The following FAM184B variants were observed in gnomAD, a reference collection of about 807,000 sequenced individuals.
The protein encoded by FAM184B is protein FAM184B.
In FAM184B, 111 loss-of-function variants were observed where a neutral mutation model predicts 135.9. The ratio of observed to expected loss-of-function variants is 0.82; its 90% CI spans 0.70 to 0.96. FAM184B has a LOEUF of 0.96. Among genes scored for constraint, FAM184B ranks in the 40% least tolerant of loss-of-function variants. The probability of loss-of-function intolerance (pLI) is 0.00; values close to 1 mark genes in which losing one functional copy is unlikely to be tolerated. For synonymous variants in FAM184B, 552 were observed against 524.8 expected (o/e 1.05, Z -0.71); for missense variants, 1,375 against 1,323.9 (o/e 1.04, Z -0.60).
intron 7 of FAM184B, among the ~76,000 whole-genome samples, chr4:17,681,651 T>G (rs1259351976): frequency 6.6e-6 from 1 of 151,988 alleles, no homozygotes; most frequent in Non-Finnish European, 1.5e-5. Flanking sequence ...TGGCACGGGG[T>G]GACTCTTGCC....
At chr4:17,647,611 G>A in intron 12 of FAM184B, 26 bp downstream of exon 12, 1 of 1,540,560 alleles carries the variant, frequency 6.5e-7, no homozygotes, top group African/African-American at 1.4e-5. Flanking sequence ...GAGGGGTATT[G>A]CTGGTGCAAG....
intron 1 of FAM184B, among the ~76,000 whole-genome samples, chr4:17,722,469 A>G (rs544574853): frequency 6.6e-6 from 1 of 152,328 alleles, no homozygotes; most frequent in East Asian, 1.9e-4. Context: ...CCAAAACGCT[A>G]ATTAAAATCT....
chr4:17,637,392 G>T (rs369929189), intron 14 of FAM184B, among the ~76,000 whole-genome samples: 3 of 152,218 alleles, frequency 2.0e-5, no homozygotes, highest in Admixed American at 2.0e-4. Flanking sequence ...AGGGCTGGGG[G>T]TGCAGATAAT....
chr4:17,662,492 C>A (rs1715941896), intron 8 of FAM184B, among the ~76,000 whole-genome samples: 1 of 152,132 alleles, frequency 6.6e-6, no homozygotes, highest in Non-Finnish European at 1.5e-5. Flanking sequence ...TGTGTGCCAC[C>A]ATGCCCAGCT....
intron 1 of FAM184B, among the ~76,000 whole-genome samples, chr4:17,775,622 T>C (rs570726073): frequency 6.6e-6 from 1 of 152,358 alleles, no homozygotes; most frequent in Non-Finnish European, 1.5e-5. Flanking sequence ...TTGTAGCAAT[T>C]TTTCTGGTCG....
chr4:17,740,040 A>T (rs1355497095), intron 1 of FAM184B, among the ~76,000 whole-genome samples: 1 of 152,152 alleles, frequency 6.6e-6, no homozygotes, highest in Non-Finnish European at 1.5e-5. Flanking sequence ...TGTCTGGCAC[A>T]AAACAGGCAC....
chr4:17,693,511 G>A, intron 5 of FAM184B, 99 bp from the exon 6 acceptor site: 4 of 902,688 alleles, frequency 4.4e-6, no homozygotes, highest in South Asian at 1.5e-5. Flanking sequence ...AGAAGCTTAT[G>A]AGTGTCATAC....
rs1167186026 is a variant in FAM184B at position 17,631,065 on chromosome 4, A to AAGAC, written c.*1463_*1466dup. ...AAATCACATTGCTCTGTCAGAAGGT[A>AAGAC]AGACAAATCAGTGTGGACTGAGAGC... is the stretch of plus-strand genomic sequence containing the variant. On this transcript the variant is annotated 3_prime_UTR_variant, in exon 18 of 18. Transcript: ENST00000265018. The AAGAC allele has an allele frequency of 4.6e-5, 7 of 152,232 alleles. No homozygotes were observed. Among genetic ancestry groups the AAGAC allele is most frequent in the African/African-American group, 1.7e-4 (7 of 41,446 alleles). The allele number at this position is 152,232 out of a possible 1,614,324, so 9.4% of individuals were successfully genotyped here.
chr4:17,639,871 C>G (rs7656517), intron 13 of FAM184B, among the ~76,000 whole-genome samples: 9,669 of 151,030 alleles, frequency 0.064, 1,064 homozygotes, highest in African/African-American at 0.22. Flanking sequence ...TCTTGTTGCT[C>G]AGGGTGGAGT....
intron 1 of FAM184B, among the ~76,000 whole-genome samples, chr4:17,721,383 CAA>C (rs61539641): frequency 0.01 from 484 of 47,404 alleles, 19 homozygotes; most frequent in Admixed American, 0.088. Flanking sequence ...GATTCTGTCT[CAA>C]AAAAAAAAAA....
intron 8 of FAM184B, among the ~76,000 whole-genome samples, chr4:17,660,878 C>T (rs1560170494): frequency 1.3e-5 from 2 of 152,060 alleles, no homozygotes. Context: ...CAGGCCAGAG[C>T]TCCAGAGGTG....
chr4:17,738,444 A>T (rs1280550018), intron 1 of FAM184B, among the ~76,000 whole-genome samples: 1 of 152,186 alleles, frequency 6.6e-6, no homozygotes, highest in Admixed American at 6.5e-5. Flanking sequence ...TTGAATGTTT[A>T]TGCCAGGAAT....
intron 1 of FAM184B, among the ~76,000 whole-genome samples, chr4:17,752,694 A>AAAAGACAC (rs1718330480): frequency 6.6e-6 from 1 of 152,214 alleles, no homozygotes; most frequent in South Asian, 2.1e-4. Flanking sequence ...ATATCTTTTA[A>AAAAGACAC]AAAGACACAA....
chr4:17,709,600 G>C lies in FAM184B; in HGVS notation c.186C>G (p.Ser62Arg). ...LNTRQDEAEA[S>R]MEALREAHQE... ...GGTGCGCTTCCCGCAGCGCCTCCAT[G>C]CTGGCCTCAGCCTCATCCTGGCGGG... The change falls in exon 2 of 18, where the codon AGC becomes AGG. Residue 62 changes from serine (S) to arginine (R), a missense_variant. Transcript: ENST00000265018. The C allele has an allele frequency of 6.5e-7, 1 of 1,538,812 alleles. No homozygotes were observed.
intron 7 of FAM184B, among the ~76,000 whole-genome samples, chr4:17,686,148 G>A (rs1043371922): frequency 6.6e-6 from 1 of 152,188 alleles, no homozygotes; most frequent in Non-Finnish European, 1.5e-5. Flanking sequence ...CCCACAGGGC[G>A]CTGGTGAAAG....
rs113677528 is a variant in FAM184B at position 17,743,308 on chromosome 4, G to A, written c.142-33664C>T. On this transcript the variant is annotated intron_variant, in intron 1 of 17. Coordinates refer to ENST00000265018, the MANE Select transcript of FAM184B (RefSeq NM_015688.2). ...AAAGAGGGATGGCACCAGTGGTGGA[G>A]GCATCTGTCAGCCACCGAAGAATTT... Among the ~76,000 whole-genome samples, 96 of 152,210 alleles carry A rather than the reference G, an allele frequency of 6.3e-4. 1 individual carries two copies. The highest frequency in any genetic ancestry group is 2.1e-3 in the African/African-American group (88 of 41,450).
chr4:17,768,669 G>A (rs745540959), intron 1 of FAM184B, among the ~76,000 whole-genome samples: 1 of 152,118 alleles, frequency 6.6e-6, no homozygotes, highest in African/African-American at 2.4e-5. Context: ...ATGTCCAAAT[G>A]ACGTCGAATA....
intron 2 of FAM184B, 103 bp from the exon 3 acceptor site, chr4:17,707,887 A>G: frequency 3.0e-6 from 4 of 1,321,934 alleles, no homozygotes; most frequent in Non-Finnish European, 4.1e-6. Context: ...GTATATGCAC[A>G]GCAGAAGCCC....
chr4:17,685,474 G>A (rs548977608), intron 7 of FAM184B, among the ~76,000 whole-genome samples: 34 of 151,202 alleles, frequency 2.2e-4, no homozygotes, highest in Admixed American at 1.9e-3. Flanking sequence ...GCTTGAACCC[G>A]GGAGGTGGAG....
Sources: gnomAD v4.1 joint callset for allele counts (sites outside exome capture counted in the v4.1 genomes callset) on GRCh38, gnomAD v4.1.1 for gene constraint, MANE v1.5 for transcripts, NCBI Gene and HGNC (gene_info 2026-07-23, HGNC 2026-07-21) for gene names.